The following ASPH variants were observed in gnomAD, a reference collection of about 807,000 sequenced individuals.
ASPH encodes aspartate beta-hydroxylase.
In ASPH, 100 loss-of-function variants were observed where a neutral mutation model predicts 118.4. That is an observed-to-expected ratio of 0.84 (90% CI 0.72 to 1.00). The LOEUF is 1.00. ASPH is among the 50% of genes least tolerant of loss of function. The probability of loss-of-function intolerance (pLI) is 0.00; values close to 1 mark genes in which losing one functional copy is unlikely to be tolerated. For synonymous variants in ASPH, 315 were observed against 325.6 expected (o/e 0.97, Z 0.35); for missense variants, 920 against 919.5 (o/e 1.00, Z -0.01).
intron 14 of ASPH, among the ~76,000 whole-genome samples, chr8:61,609,780 C>T (rs760362345): frequency 6.6e-6 from 1 of 152,152 alleles, no homozygotes; most frequent in Non-Finnish European, 1.5e-5. Flanking sequence ...CTGCAGGGCT[C>T]AGACTAAGGT....
At chr8:61,646,910 A>G (rs757268952) in intron 5 of ASPH, 32 bp from the exon 6 acceptor site, 3 of 1,612,878 alleles carry the variant, frequency 1.9e-6, no homozygotes, top group Admixed American at 3.3e-5. Flanking sequence ...CACTGGCAAC[A>G]TACAACTGAG....
chr8:61,671,995 A>G (rs1040431849), intron 3 of ASPH, among the ~76,000 whole-genome samples: 1 of 152,156 alleles, frequency 6.6e-6, no homozygotes, highest in Non-Finnish European at 1.5e-5. Context: ...CACTCTCACC[A>G]TTTCTAGTGA....
At chr8:61,569,973 T>C (rs1485717154) in intron 16 of ASPH, among the ~76,000 whole-genome samples, 4 of 144,670 alleles carry the variant, frequency 2.8e-5, no homozygotes, top group Non-Finnish European at 4.4e-5. Flanking sequence ...AATATGAATG[T>C]TGATAGATAA....
At chr8:61,676,248 T>C (rs987249901) in intron 3 of ASPH, 1 of 1,593,612 alleles carries the variant, frequency 6.3e-7, no homozygotes, top group African/African-American at 1.3e-5. Context: ...CAATCTGAAC[T>C]TTCCTCTGCT....
intron 24 of ASPH, among the ~76,000 whole-genome samples, chr8:61,506,800 G>A (rs1200295114): frequency 2.6e-5 from 4 of 152,156 alleles, no homozygotes; most frequent in Non-Finnish European, 5.9e-5. Flanking sequence ...TTGGGAAGTG[G>A]TATGTTATCA....
chr8:61,607,718 G>A (rs1846037562), intron 14 of ASPH, among the ~76,000 whole-genome samples: 1 of 152,116 alleles, frequency 6.6e-6, no homozygotes, highest in Non-Finnish European at 1.5e-5. Flanking sequence ...TGAGTACAAA[G>A]CACAGCTAAG....
chr8:61,648,634 T>C (rs775537236), intron 5 of ASPH, among the ~76,000 whole-genome samples: 1 of 152,212 alleles, frequency 6.6e-6, no homozygotes, highest in Non-Finnish European at 1.5e-5. Flanking sequence ...CTGTTTTCTG[T>C]AGCGAAACCA....
Position 61,597,320 on chromosome 8 carries a change from C to T in ASPH, c.977-13291G>A, listed in dbSNP as rs530023358. Among the ~76,000 whole-genome samples, 606 of 151,660 alleles carry T rather than the reference C, an allele frequency of 4.0e-3. 2 individuals carry two copies. The highest frequency in any genetic ancestry group is 6.1e-3 in the Non-Finnish European group (413 of 67,930). On this transcript the variant is annotated intron_variant, in intron 14 of 24. Transcript: ENST00000379454. ...TCGCTTGAGCTCAGGAGTTCAAGATCAGTGTGGGCAACATGGCAAGACCCT... is the reference window on the plus strand; with the variant it reads ...TCGCTTGAGCTCAGGAGTTCAAGATTAGTGTGGGCAACATGGCAAGACCCT...
chr8:61,710,188 A>G (rs925002604), intron 1 of ASPH, among the ~76,000 whole-genome samples: 2 of 152,218 alleles, frequency 1.3e-5, no homozygotes, highest in Non-Finnish European at 2.9e-5. Flanking sequence ...AATTCTTTAC[A>G]TTTAAGGAGG....
intron 14 of ASPH, among the ~76,000 whole-genome samples, chr8:61,599,739 A>G (rs1843433661): frequency 6.6e-6 from 1 of 152,186 alleles, no homozygotes; most frequent in Non-Finnish European, 1.5e-5. Flanking sequence ...GAAACCCTGA[A>G]CAGATCAATA....
At chr8:61,505,822 A>G (rs1806319652) in intron 24 of ASPH, among the ~76,000 whole-genome samples, 1 of 152,238 alleles carries the variant, frequency 6.6e-6, no homozygotes. Context: ...TAACTTGAGA[A>G]GAAAGGCAAA....
In ASPH at chr8:61,562,825, A is replaced by G. The variant is rs891131515; in HGVS notation, c.1356T>C (p.Asn452=). The G allele has an allele frequency of 1.2e-6, 2 of 1,613,046 alleles. No homozygotes were observed. Among genetic ancestry groups the G allele is most frequent in the African/African-American group, 2.7e-5 (2 of 74,988 alleles). Residue 452 remains asparagine (N), a synonymous_variant, in exon 18 of 25, where the codon AAT becomes AAC. Transcript: ENST00000379454. ...TLQRLVQLFP[N]DTSLKNDLGV... Reference sequence around the variant, plus strand: ...CAAGGTCATTTTTTAAGGAAGTATCATTGGGAAATAGTTGAACTAATCTCT... The same window carrying G: ...CAAGGTCATTTTTTAAGGAAGTATCGTTGGGAAATAGTTGAACTAATCTCT...
chr8:61,584,932 A>G (rs1838878004), intron 14 of ASPH, among the ~76,000 whole-genome samples: 1 of 152,148 alleles, frequency 6.6e-6, no homozygotes, highest in African/African-American at 2.4e-5. Context: ...TTCTCCTGAA[A>G]TCACCCACAC....
intron 14 of ASPH, among the ~76,000 whole-genome samples, chr8:61,602,964 G>A (rs968870334): frequency 1.3e-5 from 2 of 151,944 alleles, no homozygotes; most frequent in Non-Finnish European, 2.9e-5. Context: ...AGGCAAAGGC[G>A]GGCAGATCAC....
At chr8:61,675,689 ATAAT>A (rs1824913266) in intron 3 of ASPH, 12 of 998,624 alleles carry the variant, frequency 1.2e-5, no homozygotes, top group Non-Finnish European at 1.4e-5. Context: ...TAGAATCATC[ATAAT>A]TAATAGTGTG....
chr8:61,534,519 C>T (rs993522776), intron 21 of ASPH, among the ~76,000 whole-genome samples: 10 of 152,190 alleles, frequency 6.6e-5, no homozygotes, highest in Middle Eastern at 3.4e-3. Context: ...TTGAATCAAA[C>T]TCTGCTAATC....
At chr8:61,579,151 A>G in intron 15 of ASPH, 1 of 1,611,918 alleles carries the variant, frequency 6.2e-7, no homozygotes, top group Non-Finnish European at 8.5e-7. Context: ...TCTGAGATGA[A>G]CTGGAACATC....
In ASPH at chr8:61,541,258, G is replaced by A. The variant is rs143358885; in HGVS notation, c.1764+6813C>T. On this transcript the variant is annotated intron_variant, in intron 21 of 24. Transcript: ENST00000379454. The stretch of plus-strand genomic sequence containing the variant: ...GGGCACCTGTAGTCCCAGCTACTTG[G>A]GAGGCTAAGGCAGGAGAATAGCGTG... Among the ~76,000 whole-genome samples the A allele has an allele frequency of 6.6e-3, 1,001 of 152,274 alleles. 2 individuals are homozygous for A. The highest frequency in any genetic ancestry group is 0.01 in the Non-Finnish European group (710 of 68,014).
intron 4 of ASPH, among the ~76,000 whole-genome samples, chr8:61,652,295 C>T (rs1811414630): frequency 6.6e-6 from 1 of 152,160 alleles, no homozygotes; most frequent in African/African-American, 2.4e-5. Flanking sequence ...GTGCACTCTG[C>T]TCACTCTTTA....
Sources: gnomAD v4.1 joint callset for allele counts (sites outside exome capture counted in the v4.1 genomes callset) on GRCh38, gnomAD v4.1.1 for gene constraint, MANE v1.5 for transcripts, NCBI Gene and HGNC (gene_info 2026-07-23, HGNC 2026-07-21) for gene names.